PCSK5: variants seen among roughly 807,000 people sequenced by gnomAD.
The protein encoded by PCSK5 is prohormone convertase 5.
In PCSK5, 129 loss-of-function variants were observed where a neutral mutation model predicts 233.2. That is an observed-to-expected ratio of 0.55 (90% CI 0.48 to 0.64). The LOEUF (loss-of-function observed/expected upper bound fraction) is 0.64. PCSK5 is among the 30% of genes least tolerant of loss of function. The pLI is 0.00. For synonymous variants in PCSK5, 825 were observed against 879.2 expected, an observed-to-expected ratio of 0.94 and a Z score of 1.09; for missense variants, 2,076 against 2,430.1, an observed-to-expected ratio of 0.85 and a Z score of 3.06.
chr9:75,985,293 A>G (rs1826460504), intron 2 of PCSK5, among the ~76,000 whole-genome samples: 1 of 152,202 alleles, frequency 6.6e-6, no homozygotes, highest in Non-Finnish European at 1.5e-5. Flanking sequence ...ATTAGACTCA[A>G]GGTTTCTGGT....
intron 1 of PCSK5, among the ~76,000 whole-genome samples, chr9:75,928,592 A>AATATAT (rs1699410401): frequency 1.3e-5 from 1 of 75,252 alleles, no homozygotes; most frequent in African/African-American, 4.6e-5. Flanking sequence ...TTTACATATA[A>AATATAT]ATACATATAT....
At chr9:76,266,936 T>C (rs1827351595) in intron 24 of PCSK5, among the ~76,000 whole-genome samples, 1 of 151,920 alleles carries the variant, frequency 6.6e-6, no homozygotes, top group Non-Finnish European at 1.5e-5. Context: ...GGAAAAAAAA[T>C]AGACTGCACA....
At chr9:76,006,698 T>A (rs942407979) in intron 3 of PCSK5, among the ~76,000 whole-genome samples, 16 of 152,318 alleles carry the variant, frequency 1.1e-4, no homozygotes, top group Admixed American at 2.6e-4. Flanking sequence ...TCATCCACCA[T>A]CAGTTCTTTT....
chr9:76,195,784 TTG>T (rs1444808912), intron 20 of PCSK5: 1 of 152,168 alleles, frequency 6.6e-6, no homozygotes, highest in Non-Finnish European at 1.5e-5. Context: ...AAATGTTCAG[TTG>T]TTTTTTTGTA....
chr9:75,915,150 T>C (rs1822929874), intron 1 of PCSK5, among the ~76,000 whole-genome samples: 1 of 152,166 alleles, frequency 6.6e-6, no homozygotes, highest in Non-Finnish European at 1.5e-5. Context: ...CTTTTCCAAG[T>C]AGGAATCTGA....
intron 5 of PCSK5, among the ~76,000 whole-genome samples, chr9:76,053,539 T>C (rs1829710281): frequency 6.6e-6 from 1 of 152,194 alleles, no homozygotes; most frequent in Non-Finnish European, 1.5e-5. Flanking sequence ...TTCTGCCAGA[T>C]ACCGTAAATC....
At chr9:76,006,567 T>C (rs552680184) in intron 3 of PCSK5, among the ~76,000 whole-genome samples, 41 of 152,350 alleles carry the variant, frequency 2.7e-4, no homozygotes, top group Admixed American at 5.9e-4. Flanking sequence ...TTACCGTTTC[T>C]GTCTCTTTTC....
intron 1 of PCSK5, among the ~76,000 whole-genome samples, chr9:75,908,941 G>GTCTGTCTATCTATCTA (rs1412497396): frequency 4.4e-4 from 51 of 116,644 alleles, no homozygotes; most frequent in African/African-American, 6.0e-4. Flanking sequence ...CTCTCTCTCT[G>GTCTGTCTATCTATCTA]TCTATCTATC....
chr9:75,912,092 A>G (rs1822764934), intron 1 of PCSK5, among the ~76,000 whole-genome samples: 1 of 150,454 alleles, frequency 6.6e-6, no homozygotes, highest in Non-Finnish European at 1.5e-5. Context: ...AGAAAAGGAG[A>G]AGAAGAAAAA....
At chr9:76,250,227 G>A (rs570222701) in intron 24 of PCSK5, among the ~76,000 whole-genome samples, 216 of 152,252 alleles carry the variant, frequency 1.4e-3, no homozygotes, top group Middle Eastern at 0.01. Flanking sequence ...ACTTGAACCT[G>A]GGAGGCAGAG....
chr9:75,965,981 C>T (rs949639914), intron 2 of PCSK5, among the ~76,000 whole-genome samples: 1 of 152,126 alleles, frequency 6.6e-6, no homozygotes, highest in Admixed American at 6.6e-5. Context: ...CTATCAGGGA[C>T]ACATTATAGA....
chr9:75,989,383 A>T (rs1385743923), intron 3 of PCSK5, among the ~76,000 whole-genome samples: 1 of 152,118 alleles, frequency 6.6e-6, no homozygotes, highest in Non-Finnish European at 1.5e-5. Flanking sequence ...GGTCCCAGCT[A>T]CTTGGGAGGC....
chr9:76,263,886 C>A (rs919815577), intron 24 of PCSK5, among the ~76,000 whole-genome samples: 3 of 152,022 alleles, frequency 2.0e-5, no homozygotes, highest in Non-Finnish European at 4.4e-5. Context: ...CCATACTGCT[C>A]AAAGCTATGA....
chr9:76,258,130 A>G (rs1292215244), intron 24 of PCSK5, among the ~76,000 whole-genome samples: 1 of 152,194 alleles, frequency 6.6e-6, no homozygotes, highest in East Asian at 1.9e-4. Flanking sequence ...GAGCACAGAC[A>G]TGGCATTATC....
chr9:76,314,700 G>A (rs958814992), intron 30 of PCSK5, among the ~76,000 whole-genome samples: 5 of 151,874 alleles, frequency 3.3e-5, no homozygotes, highest in South Asian at 2.1e-4. Context: ...GCAATGGCGC[G>A]ATCTCGGCTC....
At chr9:75,987,871 G>A (rs565568242) in intron 3 of PCSK5, among the ~76,000 whole-genome samples, 16 of 152,288 alleles carry the variant, frequency 1.1e-4, no homozygotes, top group Admixed American at 2.0e-4. Context: ...ATAAGACCAG[G>A]GTGAGAGAGA....
chr9:76,166,253 C>T (rs1823081232), intron 12 of PCSK5, among the ~76,000 whole-genome samples: 1 of 152,130 alleles, frequency 6.6e-6, no homozygotes, highest in African/African-American at 2.4e-5. Context: ...AATTAATGAA[C>T]ATTCCAACTC....
rs61537466 is a variant in PCSK5, at chr9:75,928,596, C to CATATATATATAT, written c.193-3751_193-3740dup. Among the ~76,000 whole-genome samples the CATATATATATAT allele has an allele frequency of 2.1e-3, 143 of 68,354 alleles. 5 individuals carry two copies. The highest frequency in any genetic ancestry group is 3.3e-3 in the South Asian group (5 of 1,504). 44.8% of individuals were successfully genotyped at this position (68,354 alleles called of 152,430 possible). On this transcript the variant is annotated intron_variant, in intron 1 of 37. Coordinates refer to ENST00000674117, the MANE Select transcript of PCSK5 (RefSeq NM_001372043.1). The stretch of plus-strand genomic sequence containing the variant: ...ATAAACATGCTTTTACATATAAATA[C>CATATATATATAT]ATATATATATATATATATATATATA...
At chr9:76,272,168 T>C (rs1026921594) in intron 24 of PCSK5, among the ~76,000 whole-genome samples, 1 of 152,186 alleles carries the variant, frequency 6.6e-6, no homozygotes, top group Non-Finnish European at 1.5e-5. Context: ...TAGGTATTAA[T>C]GTTTGGACAT....
Sources: gnomAD v4.1 joint callset for allele counts (sites outside exome capture counted in the v4.1 genomes callset) on GRCh38, gnomAD v4.1.1 for gene constraint, MANE v1.5 for transcripts, NCBI Gene and HGNC (gene_info 2026-07-23, HGNC 2026-07-21) for gene names.